NCOA3: variants seen among roughly 807,000 people sequenced by gnomAD.
NCOA3 encodes CBP-interacting protein.
Under a neutral mutation model 158.8 loss-of-function variants are expected in NCOA3, and 51 were observed. That is an observed-to-expected ratio of 0.32 (90% CI 0.26 to 0.41). The LOEUF (loss-of-function observed/expected upper bound fraction) is 0.41, where lower values mean the gene tolerates loss of function less well. Among genes scored for constraint, NCOA3 ranks in the 10% least tolerant of loss-of-function variants. The probability of loss-of-function intolerance (pLI) is 1.00; values close to 1 mark genes in which losing one functional copy is unlikely to be tolerated. For synonymous variants in NCOA3, 537 were observed against 592.4 expected, an observed-to-expected ratio of 0.91 and a Z score of 1.36; for missense variants, 1,510 against 1,746.6, an observed-to-expected ratio of 0.86 and a Z score of 2.41.
At chr20:47,525,797 TG>T (rs2084430389) in intron 1 of NCOA3, among the ~76,000 whole-genome samples, 1 of 106,374 alleles carries the variant, frequency 9.4e-6, no homozygotes. Flanking sequence ...ACGGGGCGGC[TG>T]GCCGGGCAGA....
intron 1 of NCOA3, among the ~76,000 whole-genome samples, chr20:47,554,148 A>G (rs1157338663): frequency 1.3e-5 from 2 of 152,214 alleles, no homozygotes; most frequent in Admixed American, 1.3e-4. Context: ...TCTGATGGCC[A>G]GTGATGACGA....
chr20:47,605,067 C>A, intron 2 of NCOA3, among the ~76,000 whole-genome samples: 1 of 152,132 alleles, frequency 6.6e-6, no homozygotes, highest in East Asian at 1.9e-4. Flanking sequence ...AGTGTTTCAC[C>A]ATGTTGGCCA....
rs111350575 is a variant in NCOA3 at position 47,515,472 on chromosome 20, CT to C, written c.-99+13471del. Among the ~76,000 whole-genome samples the C allele has an allele frequency of 3.9e-3, 505 of 130,010 alleles. 2 individuals are homozygous for C. The highest frequency in any genetic ancestry group is 8.1e-3 in the African/African-American group (288 of 35,552). The allele number at this position is 130,010 out of a possible 152,430, so 85.3% of individuals were successfully genotyped here. Reference sequence around the variant, plus strand: ...CCACACCCGAGCTTTTTCTTTCTTTCTTTTTTTTTTTTTTTTTTCTTTTTTT... The same window carrying C: ...CCACACCCGAGCTTTTTCTTTCTTTCTTTTTTTTTTTTTTTTTCTTTTTTT... On this transcript the variant is annotated intron_variant, in intron 1 of 22. Transcript: ENST00000371998.
intron 1 of NCOA3, among the ~76,000 whole-genome samples, chr20:47,560,968 CT>C (rs11481985): frequency 0.12 from 12,103 of 100,896 alleles, 478 homozygotes; most frequent in South Asian, 0.17. Flanking sequence ...ATCCCTCATT[CT>C]TTTTTTTTTT....
At chr20:47,519,756 T>G (rs1602334498) in intron 1 of NCOA3, among the ~76,000 whole-genome samples, 1 of 152,134 alleles carries the variant, frequency 6.6e-6, no homozygotes, top group African/African-American at 2.4e-5. Context: ...GGCAAAACTC[T>G]TGTCTCCACA....
Position 47,634,057 on chromosome 20 carries a change from A to G in NCOA3, c.974A>G (p.Asn325Ser). 1 of 1,614,086 alleles carries G rather than the reference A, an allele frequency of 6.2e-7. No homozygotes were observed. The highest frequency in any genetic ancestry group is 1.3e-5 in the African/African-American group (1 of 75,014). The change falls in exon 10 of 23, where the codon AAT becomes AGT. Residue 325 changes from asparagine to serine, a missense_variant. Coordinates refer to ENST00000371998, the MANE Select transcript of NCOA3 (RefSeq NM_181659.3). ...QKRHYQEAYL[N>S]GHAETPVYRF... ...ATATTTTCCCCAACAGCTTATCTTA[A>G]TGGCCATGCAGAAACCCCAGTATAT...
rs1022877919 is a variant in NCOA3 at position 47,651,044 on chromosome 20, C to T, written c.3714C>T (p.Phe1238=). 6.2e-7 allele frequency: 1 copy of T among 1,614,030 alleles called. No homozygotes were observed. The highest frequency in any genetic ancestry group is 1.7e-5 in the Admixed American group (1 of 60,020). ...QRSRELLSHH[F]RQQRVAMMMQ... Reference sequence around the variant, plus strand: ...GCAGAGAGCTGCTAAGTCATCACTTCCGACAACAGAGGGTGGCTATGATGA... The same window carrying T: ...GCAGAGAGCTGCTAAGTCATCACTTTCGACAACAGAGGGTGGCTATGATGA... Residue 1238 remains phenylalanine (F), a synonymous_variant, in exon 20 of 23, where the codon TTC becomes TTT. Coordinates refer to ENST00000371998, the MANE Select transcript of NCOA3 (RefSeq NM_181659.3).
chr20:47,640,475 G>C (rs566934496), intron 16 of NCOA3, among the ~76,000 whole-genome samples: 1 of 152,250 alleles, frequency 6.6e-6, no homozygotes, highest in South Asian at 2.1e-4. Flanking sequence ...ACCACCTGCT[G>C]CCTATTGAGA....
At chr20:47,614,191 C>T (rs997427880) in intron 2 of NCOA3, among the ~76,000 whole-genome samples, 4 of 151,940 alleles carry the variant, frequency 2.6e-5, no homozygotes, top group South Asian at 2.1e-4. Context: ...GTATGAATGA[C>T]GGATTGAAAG....
chr20:47,594,192 A>G (rs1384455457), intron 2 of NCOA3, among the ~76,000 whole-genome samples: 1 of 152,188 alleles, frequency 6.6e-6, no homozygotes, highest in Non-Finnish European at 1.5e-5. Context: ...TAGTAGTCTC[A>G]TCTTGGCATC....
At chr20:47,634,918 TTC>T (rs2086484227) in intron 10 of NCOA3, among the ~76,000 whole-genome samples, 1 of 141,538 alleles carries the variant, frequency 7.1e-6, no homozygotes, top group South Asian at 2.2e-4. Flanking sequence ...TCTTCTCTTC[TTC>T]TTTTTTTTTT....
chr20:47,565,413 G>A lies in NCOA3; in HGVS notation c.-98-17770G>A, dbSNP rs1602410687. On this transcript the variant is annotated intron_variant, in intron 1 of 22. Transcript: ENST00000371998. ...ATTTAGTCTTTGTAACTGCCCTGCT[G>A]TTTTAGATAGGTAGGGCAGGGCTGG... Among the ~76,000 whole-genome samples the A allele has an allele frequency of 2.6e-5, 4 of 152,096 alleles. No individual in the cohort carries two copies. The South Asian group carries it at 8.3e-4, about 32-fold the overall frequency.
chr20:47,597,644 A>G (rs1224128202), intron 2 of NCOA3, among the ~76,000 whole-genome samples: 1 of 151,392 alleles, frequency 6.6e-6, no homozygotes, highest in East Asian at 2.0e-4. Context: ...ACTCGCCACC[A>G]AGCCCAGCTA....
chr20:47,559,137 G>C (rs2085060024), intron 1 of NCOA3, among the ~76,000 whole-genome samples: 1 of 151,962 alleles, frequency 6.6e-6, no homozygotes, highest in South Asian at 2.1e-4. Context: ...GACTGAATTA[G>C]AGTTATCATG....
intron 2 of NCOA3, among the ~76,000 whole-genome samples, chr20:47,591,364 G>C (rs942969368): frequency 6.6e-6 from 1 of 152,182 alleles, no homozygotes; most frequent in Non-Finnish European, 1.5e-5. Flanking sequence ...AAATTATCAA[G>C]ATTTAAAGGT....
At chr20:47,591,745 C>CTTT (rs539333586) in intron 2 of NCOA3, among the ~76,000 whole-genome samples, 2 of 144,656 alleles carry the variant, frequency 1.4e-5, no homozygotes, top group African/African-American at 2.5e-5. Context: ...ACCTCCTCCC[C>CTTT]TTTTTTTTTT....
intron 1 of NCOA3, among the ~76,000 whole-genome samples, chr20:47,556,645 G>A (rs1366232335): frequency 1.3e-5 from 2 of 152,044 alleles, no homozygotes; most frequent in African/African-American, 2.4e-5. Context: ...GTCTCAGCCT[G>A]CTGAGAAACT....
intron 2 of NCOA3, among the ~76,000 whole-genome samples, chr20:47,608,805 C>T (rs1018849399): frequency 6.6e-6 from 1 of 152,120 alleles, no homozygotes; most frequent in African/African-American, 2.4e-5. Flanking sequence ...TTGGTTGGAA[C>T]TCTAGAAGCA....
chr20:47,580,818 C>T (rs954388944), intron 1 of NCOA3, among the ~76,000 whole-genome samples: 2 of 151,714 alleles, frequency 1.3e-5, no homozygotes, highest in East Asian at 1.9e-4. Flanking sequence ...ACATAACATT[C>T]GGTCCGGTAT....
Sources: allele counts gnomAD v4.1 joint callset (sites outside exome capture counted in the v4.1 genomes callset), GRCh38; gene constraint gnomAD v4.1.1; transcripts MANE v1.5; gene names NCBI Gene and HGNC (gene_info 2026-07-23, HGNC 2026-07-21).